GRID2: variants seen among roughly 807,000 people sequenced by gnomAD.
GRID2 encodes the protein glutamate receptor ionotropic, delta-2.
In GRID2, 33 loss-of-function variants were observed where a neutral mutation model predicts 114.8. The ratio of observed to expected loss-of-function variants is 0.29; its 90% CI spans 0.22 to 0.38. The LOEUF is 0.38. GRID2 is among the 10% of genes least tolerant of loss of function. The pLI is 1.00. For missense variants in GRID2, 1,184 were observed against 1,257.7 expected (o/e 0.94, Z 0.89); for synonymous variants, 505 against 449.9 (o/e 1.12, Z -1.55).
chr4:93,304,878 T>G (rs969554635), intron 8 of GRID2, among the ~76,000 whole-genome samples: 8 of 152,136 alleles, frequency 5.3e-5, no homozygotes, highest in African/African-American at 1.7e-4. Flanking sequence ...GAGTGCAATT[T>G]GATGTGTGAA....
intron 2 of GRID2, among the ~76,000 whole-genome samples, chr4:93,072,524 A>G (rs192463890): frequency 3.2e-4 from 49 of 152,256 alleles, no homozygotes; most frequent in Admixed American, 1.2e-3. Flanking sequence ...GAGTGGAACT[A>G]TGGCTGCAGG....
chr4:93,305,208 C>T (rs1346027502), intron 8 of GRID2, among the ~76,000 whole-genome samples: 1 of 152,130 alleles, frequency 6.6e-6, no homozygotes, highest in Non-Finnish European at 1.5e-5. Flanking sequence ...TAGCTAAGAG[C>T]ACCTTTCTCC....
intron 11 of GRID2, among the ~76,000 whole-genome samples, chr4:93,489,538 T>G (rs950192412): frequency 1.3e-5 from 2 of 151,858 alleles, no homozygotes; most frequent in African/African-American, 2.4e-5. Context: ...GGCACCATGG[T>G]AATAGACTTA....
At chr4:92,662,242 G>A (rs967882653) in intron 2 of GRID2, among the ~76,000 whole-genome samples, 1 of 150,870 alleles carries the variant, frequency 6.6e-6, no homozygotes, top group African/African-American at 2.4e-5. Flanking sequence ...TCTACAAGGG[G>A]TAAAAATTGA....
chr4:93,384,269 C>A (rs758845670), intron 8 of GRID2, among the ~76,000 whole-genome samples: 5 of 152,006 alleles, frequency 3.3e-5, no homozygotes, highest in Non-Finnish European at 7.4e-5. Flanking sequence ...AATTTTGGAG[C>A]GCAACAATAT....
Position 93,183,723 on chromosome 4 carries a change from G to A in GRID2, c.736-23681G>A, listed in dbSNP as rs549248875. Among the ~76,000 whole-genome samples the A allele has an allele frequency of 2.6e-5, 4 of 152,278 alleles. No homozygotes were observed. In the East Asian group the frequency reaches 7.7e-4, roughly 29 times the overall value. ...TTTTTCTCATACCATCATGTGCCAG[G>A]CACTGAATAGAGCAGGAGAAATAAA... On this transcript the variant is annotated intron_variant, in intron 4 of 15. Transcript: ENST00000282020.
chr4:92,954,624 TA>T (rs1235946419), intron 2 of GRID2, among the ~76,000 whole-genome samples: 2 of 151,012 alleles, frequency 1.3e-5, no homozygotes, highest in East Asian at 3.9e-4. Flanking sequence ...TTTTTTTTAT[TA>T]TTATTATACT....
At chr4:92,733,329 T>C (rs937962688) in intron 2 of GRID2, among the ~76,000 whole-genome samples, 2 of 152,132 alleles carry the variant, frequency 1.3e-5, no homozygotes, top group East Asian at 3.9e-4. Context: ...TAAAGCTTTT[T>C]CTGTTACCTT....
At chr4:93,338,615 T>G (rs1433829046) in intron 8 of GRID2, among the ~76,000 whole-genome samples, 5 of 152,186 alleles carry the variant, frequency 3.3e-5, no homozygotes, top group Non-Finnish European at 5.9e-5. Flanking sequence ...ATTAACCAGC[T>G]CACAAAACTT....
intron 2 of GRID2, among the ~76,000 whole-genome samples, chr4:93,026,647 C>T (rs570897130): frequency 4.0e-5 from 6 of 151,322 alleles, no homozygotes; most frequent in Admixed American, 2.0e-4. Context: ...GTGAGGTGTG[C>T]GTGTGTGTGT....
intron 2 of GRID2, among the ~76,000 whole-genome samples, chr4:92,997,632 C>T (rs539790261): frequency 2.0e-5 from 3 of 152,222 alleles, no homozygotes; most frequent in Non-Finnish European, 4.4e-5. Context: ...AGTGGTCTGG[C>T]CTCACAGCAG....
intron 1 of GRID2, among the ~76,000 whole-genome samples, chr4:92,485,300 GCATATA>G (rs1349535532): frequency 2.6e-4 from 9 of 35,144 alleles, no homozygotes; most frequent in Admixed American, 5.2e-4. Context: ...TAAGGTGTGT[GCATATA>G]TATATATATA....
intron 8 of GRID2, among the ~76,000 whole-genome samples, chr4:93,354,550 C>T: frequency 6.6e-6 from 1 of 151,574 alleles, no homozygotes; most frequent in Non-Finnish European, 1.5e-5. Flanking sequence ...TCACCATTAT[C>T]GTATACAGTG....
At chr4:92,676,413 C>G (rs1390693746) in intron 2 of GRID2, among the ~76,000 whole-genome samples, 1 of 151,966 alleles carries the variant, frequency 6.6e-6, no homozygotes, top group South Asian at 2.1e-4. Flanking sequence ...ATCTTCTGAC[C>G]TCATGATCTG....
chr4:92,817,702 C>CT (rs112928641), intron 2 of GRID2, among the ~76,000 whole-genome samples: 1,604 of 142,174 alleles, frequency 0.011, 22 homozygotes, highest in African/African-American at 0.025. Flanking sequence ...AGATATTTGG[C>CT]TTTTTTTTTT....
intron 7 of GRID2, among the ~76,000 whole-genome samples, chr4:93,236,107 A>G (rs963835894): frequency 9.2e-5 from 14 of 152,204 alleles, no homozygotes; most frequent in Admixed American, 8.5e-4. Context: ...ACTTACTTGT[A>G]GTAATATAAG....
At chr4:92,880,872 C>T (rs1745955095) in intron 2 of GRID2, among the ~76,000 whole-genome samples, 1 of 151,924 alleles carries the variant, frequency 6.6e-6, no homozygotes, top group Non-Finnish European at 1.5e-5. Context: ...CAGGCGCCTG[C>T]CACCACTCCC....
chr4:92,807,392 T>C (rs1740470812), intron 2 of GRID2, among the ~76,000 whole-genome samples: 1 of 151,980 alleles, frequency 6.6e-6, no homozygotes, highest in Non-Finnish European at 1.5e-5. Context: ...ATTTTTAATA[T>C]ATTTTCTTTC....
intron 2 of GRID2, among the ~76,000 whole-genome samples, chr4:92,709,585 A>ATATAT (rs1392277814): frequency 2.0e-3 from 250 of 124,268 alleles, no homozygotes; most frequent in African/African-American, 7.1e-3. Flanking sequence ...AAAAAAAAAA[A>ATATAT]AAAAATATAT....
Sources: allele counts gnomAD v4.1 joint callset (sites outside exome capture counted in the v4.1 genomes callset), GRCh38; gene constraint gnomAD v4.1.1; transcripts MANE v1.5; gene names NCBI Gene and HGNC (gene_info 2026-07-23, HGNC 2026-07-21).